ERP44: variants seen among roughly 807,000 people sequenced by gnomAD.
The protein encoded by ERP44 is endoplasmic reticulum protein 44, also known as endoplasmic reticulum resident protein 44.
Under a neutral mutation model 53.4 loss-of-function variants are expected in ERP44, and 25 were observed. That is an observed-to-expected ratio of 0.47 (90% CI 0.34 to 0.65). The LOEUF is 0.65. Among genes scored for constraint, ERP44 ranks in the 30% least tolerant of loss-of-function variants. ERP44 has a pLI of 0.01. For missense variants in ERP44, 338 were observed against 493.2 expected (o/e 0.69, Z 2.98); for synonymous variants, 145 against 161.2 (o/e 0.90, Z 0.76).
At chr9:100,002,728 T>TAA (rs1424180363) in intron 10 of ERP44, among the ~76,000 whole-genome samples, 10 of 151,798 alleles carry the variant, frequency 6.6e-5, no homozygotes, top group Non-Finnish European at 1.5e-4. Flanking sequence ...GCTGCTTTCA[T>TAA]AATCTTCTCT....
At chr9:99,999,217 G>A (rs1338360852) in intron 10 of ERP44, 1 of 420,116 alleles carries the variant, frequency 2.4e-6, no homozygotes, top group Non-Finnish European at 4.2e-6. Context: ...TCTCGATGTT[G>A]ATCATTTTTT....
chr9:100,079,956 A>C (rs1826406075), intron 1 of ERP44, among the ~76,000 whole-genome samples: 2 of 152,022 alleles, frequency 1.3e-5, no homozygotes, highest in South Asian at 4.2e-4. Flanking sequence ...AAAAAAAAAA[A>C]ACAGAATCAT....
intron 1 of ERP44, among the ~76,000 whole-genome samples, chr9:100,089,999 C>G (rs1238945697): frequency 6.6e-6 from 1 of 152,126 alleles, no homozygotes; most frequent in Non-Finnish European, 1.5e-5. Context: ...TAACAAAGAA[C>G]TAAGTATTTT....
At chr9:100,090,228 T>G (rs1198143953) in intron 1 of ERP44, among the ~76,000 whole-genome samples, 1 of 152,162 alleles carries the variant, frequency 6.6e-6, no homozygotes, top group South Asian at 2.1e-4. Context: ...ATTACAGAAG[T>G]GTAAGCTTAT....
chr9:100,067,423 C>G (rs7027536), intron 1 of ERP44, among the ~76,000 whole-genome samples: 70,399 of 151,850 alleles, frequency 0.46, 17,527 homozygotes, highest in East Asian at 0.9. Flanking sequence ...CAGCTCCTAA[C>G]CGCGAGTGAT....
intron 4 of ERP44, among the ~76,000 whole-genome samples, chr9:100,049,747 C>G (rs1826016735): frequency 6.6e-6 from 1 of 152,080 alleles, no homozygotes; most frequent in African/African-American, 2.4e-5. Context: ...TATGACCTAG[C>G]ATTTCACATC....
intron 10 of ERP44, among the ~76,000 whole-genome samples, chr9:99,986,431 T>C (rs1830196306): frequency 6.6e-6 from 1 of 152,212 alleles, no homozygotes. Context: ...AAAAAATTAA[T>C]TATATATTTT....
chr9:100,006,622 A>C lies in ERP44; in HGVS notation c.900T>G (p.Asp300Glu), dbSNP rs756479816. 1 of 1,601,788 alleles carries C rather than the reference A, an allele frequency of 6.2e-7. No homozygotes were observed. The highest frequency in any genetic ancestry group is 1.1e-5 in the South Asian group (1 of 87,512). ...EKGTINFLHADCDKFRHPLLH... is the reference protein window; with the variant it reads ...EKGTINFLHAECDKFRHPLLH... ...GAAGAGGATGTCTAAATTTGTCACAATCGGCATGTAAAAAGTTTATTGTAC... is the reference window on the plus strand; with the variant it reads ...GAAGAGGATGTCTAAATTTGTCACACTCGGCATGTAAAAAGTTTATTGTAC... Residue 300 changes from aspartate to glutamate, a missense_variant, in exon 10 of 12, where the codon GAT becomes GAG. Physicochemically the swap from Asp to Glu is conservative, Grantham distance 45. Around this residue, in one of 3 missense-constraint regions of ERP44, gnomAD observed 113 missense variants for 172.6 expected, o/e 0.65. Coordinates refer to ENST00000262455, the MANE Select transcript of ERP44 (RefSeq NM_015051.3).
At chr9:100,004,286 G>A (rs549151896) in intron 10 of ERP44, among the ~76,000 whole-genome samples, 1 of 152,312 alleles carries the variant, frequency 6.6e-6, no homozygotes, top group East Asian at 1.9e-4. Flanking sequence ...AGTCTACTAG[G>A]ATAAGCCTGA....
chr9:100,033,265 G>A (rs983909856), intron 4 of ERP44, among the ~76,000 whole-genome samples: 1 of 152,104 alleles, frequency 6.6e-6, no homozygotes, highest in Non-Finnish European at 1.5e-5. Context: ...AGGAATCAAC[G>A]TTGACTTGTA....
chr9:100,098,563 A>C (rs1371074821), intron 1 of ERP44, among the ~76,000 whole-genome samples: 1 of 152,216 alleles, frequency 6.6e-6, no homozygotes, highest in African/African-American at 2.4e-5. Flanking sequence ...TCAGTCCCTC[A>C]GGGCTAATTC....
chr9:99,999,252 A>G (rs1830351867), intron 10 of ERP44, among the ~76,000 whole-genome samples: 1 of 137,778 alleles, frequency 7.3e-6, no homozygotes, highest in Non-Finnish European at 1.5e-5. Context: ...CCATTTGTGT[A>G]TCTTTTGAGA....
At chr9:100,096,723 T>C (rs893296501) in intron 1 of ERP44, among the ~76,000 whole-genome samples, 3 of 152,138 alleles carry the variant, frequency 2.0e-5, no homozygotes, top group African/African-American at 7.2e-5. Flanking sequence ...TGACCTCAGC[T>C]AAATGGGAAC....
chr9:99,988,068 T>A (rs1830213754), intron 10 of ERP44, among the ~76,000 whole-genome samples: 1 of 152,228 alleles, frequency 6.6e-6, no homozygotes, highest in Admixed American at 6.5e-5. Context: ...GACTGTATCA[T>A]GTTGTAATCC....
At chr9:100,036,898 A>T (rs369519777) in intron 4 of ERP44, among the ~76,000 whole-genome samples, 5 of 151,882 alleles carry the variant, frequency 3.3e-5, no homozygotes, top group South Asian at 2.1e-4. Flanking sequence ...TTAACAGATT[A>T]AAAAAAATTA....
At chr9:100,071,652 G>A (rs1473823052) in intron 1 of ERP44, among the ~76,000 whole-genome samples, 3 of 152,126 alleles carry the variant, frequency 2.0e-5, no homozygotes, top group Non-Finnish European at 4.4e-5. Flanking sequence ...AGGCACAGTA[G>A]CTCACGCCTG....
At chr9:100,007,471 C>T (rs753385360) in intron 9 of ERP44, 107 bp downstream of exon 9, 2 of 666,174 alleles carry the variant, frequency 3.0e-6, no homozygotes, top group African/African-American at 3.6e-5. Context: ...AAGTTTTTAA[C>T]CCAAATATGT....
chr9:99,994,257 G>A (rs536141556), intron 10 of ERP44, among the ~76,000 whole-genome samples: 63 of 152,314 alleles, frequency 4.1e-4, no homozygotes, highest in Admixed American at 6.5e-4. Context: ...CAAACAAAGT[G>A]TCCATCAGTG....
chr9:100,089,392 C>A (rs1220888122), intron 1 of ERP44, among the ~76,000 whole-genome samples: 1 of 151,992 alleles, frequency 6.6e-6, no homozygotes, highest in Non-Finnish European at 1.5e-5. Flanking sequence ...ACCAGCCAAG[C>A]CAGCATGGCA....
Sources: gnomAD v4.1 joint callset for allele counts (sites outside exome capture counted in the v4.1 genomes callset) on GRCh38, gnomAD v4.1.1 for gene constraint, gnomAD v4.1.1 regional missense constraint, MANE v1.5 for transcripts, NCBI Gene and HGNC (gene_info 2026-07-23, HGNC 2026-07-21) for gene names.